The following ENPEP variants were observed in gnomAD, a reference collection of about 807,000 sequenced individuals.
The protein encoded by ENPEP is AP-A.
ENPEP carries 103 observed loss-of-function variants against 114.5 expected under a neutral mutation model. The observed-to-expected ratio is 0.90, with a 90% CI of 0.77 to 1.06. The LOEUF (loss-of-function observed/expected upper bound fraction) is 1.06. Among genes scored for constraint, ENPEP ranks in the 50% least tolerant of loss-of-function variants. ENPEP has a pLI of 0.00. For synonymous variants in ENPEP, 420 were observed against 422.0 expected, an observed-to-expected ratio of 1.00 and a Z score of 0.06; for missense variants, 1,196 against 1,161.3, an observed-to-expected ratio of 1.03 and a Z score of -0.43.
At chr4:110,555,144 G>A (rs896123016) in intron 18 of ENPEP, among the ~76,000 whole-genome samples, 1 of 151,922 alleles carries the variant, frequency 6.6e-6, no homozygotes, top group Admixed American at 6.6e-5. Context: ...CAAAACTCTT[G>A]CCCAAGGCTT....
At chr4:110,553,728 T>A (rs1022181267) in intron 18 of ENPEP, among the ~76,000 whole-genome samples, 2 of 152,050 alleles carry the variant, frequency 1.3e-5, no homozygotes, top group Admixed American at 1.3e-4. Flanking sequence ...TTAAAACAAG[T>A]TAATACAATT....
intron 3 of ENPEP, among the ~76,000 whole-genome samples, chr4:110,504,978 G>A (rs530752064): frequency 4.5e-4 from 69 of 152,272 alleles, no homozygotes; most frequent in African/African-American, 1.2e-3. Flanking sequence ...ACAGTGGAGC[G>A]GGTCAAGAGG....
At chr4:110,504,160 G>A (rs1444163326) in intron 3 of ENPEP, among the ~76,000 whole-genome samples, 8 of 152,264 alleles carry the variant, frequency 5.3e-5, no homozygotes, top group Non-Finnish European at 8.8e-5. Context: ...CGGTCTTTTG[G>A]AACTCCACCC....
intron 10 of ENPEP, among the ~76,000 whole-genome samples, chr4:110,521,210 T>A (rs10006051): frequency 0.22 from 33,284 of 151,640 alleles, 5,110 homozygotes; most frequent in African/African-American, 0.43. Context: ...CTACAAAAAA[T>A]TTTTAAAAAG....
At chr4:110,542,059 G>A (rs1456925181) in intron 11 of ENPEP, among the ~76,000 whole-genome samples, 1 of 152,076 alleles carries the variant, frequency 6.6e-6, no homozygotes, top group Non-Finnish European at 1.5e-5. Flanking sequence ...ATCCATTGAT[G>A]GAAAAGTATT....
intron 4 of ENPEP, among the ~76,000 whole-genome samples, chr4:110,508,914 AT>A (rs1184021479): frequency 6.6e-6 from 1 of 152,228 alleles, no homozygotes; most frequent in Non-Finnish European, 1.5e-5. Context: ...CATTTAAATT[AT>A]ACATAATAAT....
intron 19 of ENPEP, among the ~76,000 whole-genome samples, chr4:110,560,289 A>G (rs1446488186): frequency 1.3e-5 from 2 of 152,164 alleles, no homozygotes; most frequent in Non-Finnish European, 2.9e-5. Context: ...ATGATTTATA[A>G]TCCTTTGGGT....
intron 13 of ENPEP, among the ~76,000 whole-genome samples, chr4:110,547,969 A>T (rs867849186): frequency 6.6e-6 from 1 of 151,994 alleles, no homozygotes; most frequent in African/African-American, 2.4e-5. Context: ...TATTGAATGT[A>T]TGAAAGCCCT....
At chr4:110,491,724 T>C (rs1162055068) in intron 3 of ENPEP, among the ~76,000 whole-genome samples, 1 of 59,466 alleles carries the variant, frequency 1.7e-5, no homozygotes, top group East Asian at 8.3e-4. Flanking sequence ...CTTTCTTTTT[T>C]TTTTTTTTTT....
Position 110,561,436 on chromosome 4 carries a change from G to C in ENPEP, c.2752G>C (p.Ala918Pro). The C allele has an allele frequency of 1.2e-6, 2 of 1,613,970 alleles. No homozygotes were observed. The stretch of plus-strand genomic sequence containing the variant: ...GAGCTTTTTTGCAAAATATCCACAA[G>C]CTGGAGCAGGAGAAAAACCTAGGGA... ...MESFFAKYPQ[A>P]GAGEKPREQV... Residue 918 changes from alanine (A) to proline (P), a missense_variant, in exon 20 of 20, where the codon GCT becomes CCT. Transcript: ENST00000265162.
intron 11 of ENPEP, among the ~76,000 whole-genome samples, chr4:110,539,247 G>A (rs1276393858): frequency 6.6e-6 from 1 of 152,098 alleles, no homozygotes; most frequent in Non-Finnish European, 1.5e-5. Context: ...ATAAAGTAAG[G>A]TATGCTTGTA....
chr4:110,527,747 TAAA>T (rs1232358685), intron 10 of ENPEP, among the ~76,000 whole-genome samples: 1 of 152,208 alleles, frequency 6.6e-6, no homozygotes, highest in Admixed American at 6.5e-5. Context: ...TATTAAAATT[TAAA>T]AAGTATTTCT....
intron 11 of ENPEP, among the ~76,000 whole-genome samples, chr4:110,534,555 C>A (rs1171980287): frequency 8.2e-6 from 1 of 122,606 alleles, no homozygotes; most frequent in African/African-American, 3.2e-5. Flanking sequence ...TTGCCCAGGC[C>A]GGAGTGCAGT....
intron 10 of ENPEP, among the ~76,000 whole-genome samples, chr4:110,524,192 G>T (rs1173657557): frequency 6.6e-6 from 1 of 151,932 alleles, no homozygotes; most frequent in Non-Finnish European, 1.5e-5. Context: ...AACAACAGAG[G>T]CATTTAAAGT....
intron 3 of ENPEP, among the ~76,000 whole-genome samples, chr4:110,493,800 G>C (rs1724816132): frequency 6.6e-6 from 1 of 152,106 alleles, no homozygotes; most frequent in Non-Finnish European, 1.5e-5. Flanking sequence ...GAGAGTTACA[G>C]AAAAACCAAC....
At chr4:110,538,005 G>C (rs1349369665) in intron 11 of ENPEP, among the ~76,000 whole-genome samples, 2 of 152,170 alleles carry the variant, frequency 1.3e-5, no homozygotes, top group Non-Finnish European at 2.9e-5. Flanking sequence ...CCGTCACCCA[G>C]GCTTTGTTGT....
Position 110,518,953 on chromosome 4 carries a change from A to C in ENPEP, c.1510-1055A>C, listed in dbSNP as rs1450438553. 1.2e-5 allele frequency: 5 copies of C among 403,288 alleles called. No homozygotes were observed. The East Asian group carries it at 3.6e-4, about 29-fold the overall frequency. 25.0% of individuals were successfully genotyped at this position (403,288 alleles called of 1,614,324 possible). A position where few individuals can be genotyped will look rare whatever the true frequency, so the allele number is the denominator to read the frequency against. ...GCCAAGTATTCAATTATTATTATTT[A>C]AAAATATTAGACATTTGATTTACCA... On this transcript the variant is annotated intron_variant, in intron 8 of 19. Coordinates refer to ENST00000265162, the MANE Select transcript of ENPEP (RefSeq NM_001977.4).
rs766638585 is a variant in ENPEP, at chr4:110,476,529, T to C, written c.115T>C (p.Leu39=). The C allele has an allele frequency of 5.0e-6, 8 of 1,609,012 alleles. No homozygotes were observed. Among genetic ancestry groups the C allele is most frequent in the Non-Finnish European group, 6.8e-6 (8 of 1,176,808 alleles). The stretch of plus-strand genomic sequence containing the variant: ...ATTAATAGTGGGACTTGCCGTGGGC[T>C]TGACCAGATCGTGTGACTCCAGCGG... The part of the protein sequence containing the change: ...VGLIVGLAVG[L]TRSCDSSGDG... The change falls in exon 1 of 20, where the codon TTG becomes CTG. Residue 39 remains leucine (L), a synonymous_variant. Coordinates refer to ENST00000265162, the MANE Select transcript of ENPEP (RefSeq NM_001977.4).
chr4:110,520,900 C>A (rs545785459), intron 10 of ENPEP, among the ~76,000 whole-genome samples: 1 of 152,280 alleles, frequency 6.6e-6, no homozygotes, highest in East Asian at 1.9e-4. Context: ...CGCCACCTAC[C>A]ATTTCTTTCT....
Sources: gnomAD v4.1 joint callset for allele counts (sites outside exome capture counted in the v4.1 genomes callset) on GRCh38, gnomAD v4.1.1 for gene constraint, MANE v1.5 for transcripts, NCBI Gene and HGNC (gene_info 2026-07-23, HGNC 2026-07-21) for gene names.